ARHGEF3: variants seen among roughly 807,000 people sequenced by gnomAD.
The protein encoded by ARHGEF3 is Rho guanine nucleotide exchange factor 3, also known as 59.8 kDA protein.
A neutral mutation model predicts 63.2 loss-of-function variants in ARHGEF3; 28 were observed. The ratio of observed to expected loss-of-function variants is 0.44; its 90% CI spans 0.33 to 0.61. ARHGEF3 has a LOEUF of 0.61. Ranked by LOEUF, ARHGEF3 falls within the 20% of genes least tolerant of loss-of-function variation. ARHGEF3 has a pLI of 0.03. For synonymous variants in ARHGEF3, 266 were observed against 254.2 expected (o/e 1.05, Z -0.44); for missense variants, 533 against 659.3 (o/e 0.81, Z 2.10).
intron 3 of ARHGEF3, among the ~76,000 whole-genome samples, chr3:56,931,736 G>T (rs1488916398): frequency 6.6e-6 from 1 of 152,074 alleles, no homozygotes; most frequent in East Asian, 1.9e-4. Flanking sequence ...ATATTCCAAA[G>T]TACTGTCCCA....
chr3:56,980,881 G>GCA (rs1209972031), intron 2 of ARHGEF3, among the ~76,000 whole-genome samples: 1 of 152,226 alleles, frequency 6.6e-6, no homozygotes, highest in East Asian at 1.9e-4. Flanking sequence ...TTGCCTGACT[G>GCA]CACTACCCAC....
chr3:56,971,716 T>C (rs2106849906), intron 2 of ARHGEF3, among the ~76,000 whole-genome samples: 1 of 151,714 alleles, frequency 6.6e-6, no homozygotes, highest in African/African-American at 2.4e-5. Flanking sequence ...TTAGTGGGCA[T>C]GGTGGCGGGC....
At chr3:56,930,618 T>A (rs2042385282) in intron 3 of ARHGEF3, among the ~76,000 whole-genome samples, 1 of 152,228 alleles carries the variant, frequency 6.6e-6, no homozygotes, top group African/African-American at 2.4e-5. Flanking sequence ...ACTGCATTTT[T>A]TTGACTTTTG....
intron 4 of ARHGEF3, among the ~76,000 whole-genome samples, chr3:56,833,931 T>G (rs546103623): frequency 1.9e-3 from 283 of 147,910 alleles, no homozygotes; most frequent in Non-Finnish European, 3.2e-3. Context: ...CCCCCCAATT[T>G]TTACTCTTGT....
At chr3:57,004,171 T>C (rs1702375427) in intron 2 of ARHGEF3, among the ~76,000 whole-genome samples, 2 of 152,094 alleles carry the variant, frequency 1.3e-5, no homozygotes, top group Admixed American at 6.5e-5. Context: ...AGGTGTTCGG[T>C]CCACACACAC....
At chr3:56,982,936 G>T (rs1701383080) in intron 2 of ARHGEF3, among the ~76,000 whole-genome samples, 1 of 151,976 alleles carries the variant, frequency 6.6e-6, no homozygotes, top group South Asian at 2.1e-4. Context: ...AAAATTAAAG[G>T]GTAGGGAGCC....
At chr3:56,995,619 C>CAGAGAGAGAGAGAG (rs1701940038) in intron 2 of ARHGEF3, among the ~76,000 whole-genome samples, 1 of 57,416 alleles carries the variant, frequency 1.7e-5, no homozygotes, top group Non-Finnish European at 3.1e-5. Flanking sequence ...AGTAAATTTT[C>CAGAGAGAGAGAGAG]CGAGAGAGAG....
At chr3:56,769,884 A>G (rs2035913009) in intron 2 of ARHGEF3, among the ~76,000 whole-genome samples, 1 of 152,372 alleles carries the variant, frequency 6.6e-6, no homozygotes, top group East Asian at 1.9e-4. Flanking sequence ...AAGCTGCTCA[A>G]TTACAGCCTT....
At chr3:56,845,374 T>C (rs1336531784) in intron 4 of ARHGEF3, among the ~76,000 whole-genome samples, 1 of 152,250 alleles carries the variant, frequency 6.6e-6, no homozygotes, top group Non-Finnish European at 1.5e-5. Flanking sequence ...TCACATTTTC[T>C]TCCATGTCTC....
chr3:56,974,954 C>T lies in ARHGEF3; in HGVS notation c.63-16065G>A, dbSNP rs182791919. ...CCTTCCCACGCACCGACACTGAGGG[C>T]CCCTCCTCCTTGTTTGAAATAAGAC... On this transcript the variant is annotated intron_variant, in intron 2 of 12. Transcript: ENST00000338458. Among the ~76,000 whole-genome samples, 315 of 152,254 alleles carry T rather than the reference C, an allele frequency of 2.1e-3. 5 individuals are homozygous for T. Among genetic ancestry groups the T allele is most frequent in the Admixed American group, 0.019 (290 of 15,278 alleles).
At chr3:56,911,747 G>T (rs1413608169) in intron 3 of ARHGEF3, among the ~76,000 whole-genome samples, 1 of 151,764 alleles carries the variant, frequency 6.6e-6, no homozygotes, top group Non-Finnish European at 1.5e-5. Context: ...ATCAAACTAC[G>T]TCCATGTTTA....
At chr3:56,935,242 C>G (rs1228939190) in intron 3 of ARHGEF3, among the ~76,000 whole-genome samples, 3 of 152,044 alleles carry the variant, frequency 2.0e-5, no homozygotes, top group African/African-American at 7.2e-5. Context: ...CCTTTGTGTC[C>G]ACACTCTGTA....
chr3:57,023,758 C>T (rs1380531184), intron 2 of ARHGEF3, among the ~76,000 whole-genome samples: 1 of 152,224 alleles, frequency 6.6e-6, no homozygotes, highest in African/African-American at 2.4e-5. Context: ...CTCACAGATG[C>T]TTCCATTTTC....
intron 1 of ARHGEF3, among the ~76,000 whole-genome samples, chr3:56,787,457 T>C (rs2036876130): frequency 6.6e-6 from 1 of 152,060 alleles, no homozygotes; most frequent in African/African-American, 2.4e-5. Flanking sequence ...TGAAGCACTA[T>C]ATAAACAATG....
At chr3:56,860,756 A>C (rs2040045906) in intron 4 of ARHGEF3, among the ~76,000 whole-genome samples, 1 of 152,166 alleles carries the variant, frequency 6.6e-6, no homozygotes, top group Admixed American at 6.5e-5. Flanking sequence ...AAGTTACTGG[A>C]GAGTTTGACT....
intron 4 of ARHGEF3, among the ~76,000 whole-genome samples, chr3:56,827,635 C>A (rs767180354): frequency 6.6e-6 from 1 of 151,336 alleles, no homozygotes; most frequent in African/African-American, 2.4e-5. Context: ...CGTACCCTGG[C>A]CAGGTATGGT....
At chr3:56,739,270 TAAAAG>T (rs981538098) in intron 7 of ARHGEF3, among the ~76,000 whole-genome samples, 7 of 152,168 alleles carry the variant, frequency 4.6e-5, no homozygotes, top group African/African-American at 1.7e-4. Context: ...CACATTTACT[TAAAAG>T]AAAAGCCAAT....
intron 4 of ARHGEF3, among the ~76,000 whole-genome samples, chr3:56,820,790 T>C (rs749516201): frequency 6.6e-6 from 1 of 152,208 alleles, no homozygotes; most frequent in Non-Finnish European, 1.5e-5. Context: ...TATGAGGACA[T>C]GCAACTTTGG....
intron 2 of ARHGEF3, among the ~76,000 whole-genome samples, chr3:56,986,672 C>T (rs975508548): frequency 6.6e-6 from 1 of 152,076 alleles, no homozygotes; most frequent in Non-Finnish European, 1.5e-5. Context: ...CACAAAACCC[C>T]CCAACAGCTT....
Sources: allele counts gnomAD v4.1 joint callset (sites outside exome capture counted in the v4.1 genomes callset), GRCh38; gene constraint gnomAD v4.1.1; transcripts MANE v1.5; gene names NCBI Gene and HGNC (gene_info 2026-07-23, HGNC 2026-07-21).